Variants in CDKAL1 observed in about 807,000 individuals in gnomAD.
CDKAL1 encodes threonylcarbamoyladenosine tRNA methylthiotransferase.
In CDKAL1, 32 loss-of-function variants were observed where a neutral mutation model predicts 68.2. The observed-to-expected ratio is 0.47, with a 90% CI of 0.35 to 0.63. CDKAL1 has a LOEUF of 0.63. CDKAL1 is among the 30% of genes least tolerant of loss of function. The probability of loss-of-function intolerance (pLI) is 0.00; values close to 1 mark genes in which losing one functional copy is unlikely to be tolerated. For missense variants in CDKAL1, 606 were observed against 696.7 expected (o/e 0.87, Z 1.47); for synonymous variants, 234 against 244.3 (o/e 0.96, Z 0.39).
At chr6:20,736,649 G>A (rs1490432646) in intron 5 of CDKAL1, among the ~76,000 whole-genome samples, 1 of 151,932 alleles carries the variant, frequency 6.6e-6, no homozygotes, top group African/African-American at 2.4e-5. Flanking sequence ...GTGGGCACCT[G>A]TAGTCCCAGC....
chr6:21,151,816 A>G (rs1776422116), intron 13 of CDKAL1, among the ~76,000 whole-genome samples: 1 of 152,166 alleles, frequency 6.6e-6, no homozygotes, highest in South Asian at 2.1e-4. Context: ...TTTTTGATAA[A>G]AGTATTGAAC....
In CDKAL1 at chr6:20,726,066, A is replaced by T. The variant is rs540007973; in HGVS notation, c.372-13453A>T. Among the ~76,000 whole-genome samples the T allele has an allele frequency of 4.6e-5, 7 of 152,088 alleles. No homozygotes were observed. In the South Asian group the frequency reaches 1.5e-3, roughly 32 times the overall value. ...AAATGGCCCTGCAAAGCCATCTTTT[A>T]TAGGGGGGAGTATTTGCATCTGAGA... On this transcript the variant is annotated intron_variant, in intron 5 of 15. Transcript: ENST00000274695.
rs138055176 is a variant in CDKAL1 at position 20,774,288 on chromosome 6, C to G, written c.518-6857C>G. On this transcript the variant is annotated intron_variant, in intron 7 of 15. Coordinates refer to ENST00000274695, the MANE Select transcript of CDKAL1 (RefSeq NM_017774.3). ...GTAATATGAATGATACTCTAAAGCT[C>G]GTATGTGCAACCCACTTTAGAACGT... Among the ~76,000 whole-genome samples, 102 of 152,290 alleles carry G rather than the reference C, an allele frequency of 6.7e-4. No homozygotes were observed. The East Asian group carries it at 0.018, about 27-fold the overall frequency.
chr6:20,891,121 T>C (rs73735014), intron 9 of CDKAL1, among the ~76,000 whole-genome samples: 17 of 152,156 alleles, frequency 1.1e-4, no homozygotes, highest in Non-Finnish European at 2.5e-4. Flanking sequence ...GCCTCAGAGC[T>C]CTTGGCTTAA....
chr6:20,748,600 T>C (rs1434690631), intron 6 of CDKAL1, among the ~76,000 whole-genome samples: 2 of 96,776 alleles, frequency 2.1e-5, no homozygotes, highest in African/African-American at 7.8e-5. Flanking sequence ...AAAAAAGCTA[T>C]AGTAATCAAA....
At chr6:20,568,449 T>TA (rs1764550739) in intron 4 of CDKAL1, among the ~76,000 whole-genome samples, 1 of 151,702 alleles carries the variant, frequency 6.6e-6, no homozygotes, top group Admixed American at 6.6e-5. Flanking sequence ...TATTAAGAAA[T>TA]GTGGGCCTGG....
chr6:20,690,515 G>C (rs1353728192), intron 5 of CDKAL1, among the ~76,000 whole-genome samples: 1 of 152,072 alleles, frequency 6.6e-6, no homozygotes, highest in East Asian at 1.9e-4. Flanking sequence ...GTGAGAATGA[G>C]GGAGACACAC....
intron 9 of CDKAL1, among the ~76,000 whole-genome samples, chr6:20,906,956 T>C (rs1179153092): frequency 6.6e-6 from 1 of 152,226 alleles, no homozygotes; most frequent in East Asian, 1.9e-4. Flanking sequence ...TATAACACAT[T>C]ATGCAATTAT....
chr6:20,943,188 G>C (rs1453506378), intron 9 of CDKAL1, among the ~76,000 whole-genome samples: 1 of 151,082 alleles, frequency 6.6e-6, no homozygotes, highest in Admixed American at 6.6e-5. Flanking sequence ...TCAGTCTTTT[G>C]AGGTTATGTC....
At chr6:21,200,137 C>T (rs1044317382) in intron 14 of CDKAL1, among the ~76,000 whole-genome samples, 17 of 152,180 alleles carry the variant, frequency 1.1e-4, no homozygotes, top group Admixed American at 1.0e-3. Context: ...ACTGGCAAGT[C>T]GCTGCAGTGC....
chr6:21,230,188 G>A (rs1299593270), intron 15 of CDKAL1, among the ~76,000 whole-genome samples: 1 of 152,138 alleles, frequency 6.6e-6, no homozygotes, highest in Non-Finnish European at 1.5e-5. Flanking sequence ...TTGAGACAGG[G>A]TCTCACTCTG....
At chr6:21,097,784 A>C (rs1424623645) in intron 12 of CDKAL1, among the ~76,000 whole-genome samples, 1 of 152,254 alleles carries the variant, frequency 6.6e-6, no homozygotes, top group Non-Finnish European at 1.5e-5. Context: ...AATTGACTCA[A>C]AGCAAAATCC....
chr6:20,931,797 T>A (rs1163317829), intron 9 of CDKAL1, among the ~76,000 whole-genome samples: 1 of 152,228 alleles, frequency 6.6e-6, no homozygotes, highest in Middle Eastern at 3.2e-3. Context: ...ACACAGCTCC[T>A]TACCCGAAAG....
intron 5 of CDKAL1, among the ~76,000 whole-genome samples, chr6:20,664,014 C>CAATGGGAA (rs1769410055): frequency 6.6e-6 from 1 of 151,748 alleles, no homozygotes; most frequent in African/African-American, 2.4e-5. Context: ...AAAATCTAAC[C>CAATGGGAA]AATGGGAAGA....
At position 20,626,922 on chromosome 6, in the gene CDKAL1, A is replaced by G. The variant is rs916547513; in HGVS notation, c.287-22371A>G. On this transcript the variant is annotated intron_variant, in intron 4 of 15. Coordinates refer to ENST00000274695, the MANE Select transcript of CDKAL1 (RefSeq NM_017774.3). ...CAGACTGTTTCACATGGCCACCTCT[A>G]TCTGGAAGGAAGGCTGTGAAAGGGA... 3.3e-5 allele frequency among the ~76,000 whole-genome samples: 5 copies of G among 152,228 alleles called. No individual in the cohort carries two copies. The East Asian group carries it at 9.6e-4, about 29-fold the overall frequency.
intron 9 of CDKAL1, among the ~76,000 whole-genome samples, chr6:20,846,663 C>T (rs568415276): frequency 6.6e-6 from 1 of 152,312 alleles, no homozygotes; most frequent in South Asian, 2.1e-4. Flanking sequence ...ACATGACTGT[C>T]AGACCACTAA....
chr6:20,587,176 G>A (rs1165188289), intron 4 of CDKAL1, among the ~76,000 whole-genome samples: 1 of 151,738 alleles, frequency 6.6e-6, no homozygotes, highest in Non-Finnish European at 1.5e-5. Flanking sequence ...TAGTAGAGAC[G>A]CGGTTTTGCC....
intron 9 of CDKAL1, among the ~76,000 whole-genome samples, chr6:20,899,216 C>T (rs1402646577): frequency 2.0e-5 from 3 of 152,002 alleles, no homozygotes. Context: ...AGGTGCCCGC[C>T]ACCACACCTG....
chr6:21,028,913 T>G (rs1314303982), intron 11 of CDKAL1, among the ~76,000 whole-genome samples: 1 of 152,208 alleles, frequency 6.6e-6, no homozygotes, highest in Admixed American at 6.6e-5. Context: ...CTTTGAGACC[T>G]TTTTGTTTCT....
Sources: gnomAD v4.1 joint callset for allele counts (sites outside exome capture counted in the v4.1 genomes callset) on GRCh38, gnomAD v4.1.1 for gene constraint, MANE v1.5 for transcripts, NCBI Gene and HGNC (gene_info 2026-07-23, HGNC 2026-07-21) for gene names.